The following MAGED2 variants were observed in gnomAD, a reference collection of about 807,000 sequenced individuals.
MAGED2 encodes MAGE family member D2, also known as melanoma-associated antigen D2.
MAGED2 carries 6 observed loss-of-function variants against 41.7 expected under a neutral mutation model. That is an observed-to-expected ratio of 0.14 (90% CI 0.08 to 0.28). The LOEUF is 0.28. MAGED2 is among the 10% of genes least tolerant of loss of function. The probability of loss-of-function intolerance (pLI) is 1.00; values close to 1 mark genes in which losing one functional copy is unlikely to be tolerated. For missense variants in MAGED2, 343 were observed against 486.4 expected, an observed-to-expected ratio of 0.71 and a Z score of 2.77; for synonymous variants, 146 against 178.2, an observed-to-expected ratio of 0.82 and a Z score of 1.44.
At position 54,815,512 on chromosome X, in the gene MAGED2, GCCAGTA is replaced by G. The variant is rs1369822282; in HGVS notation, c.1661_1666del (p.Ser554_Thr555del). The G allele has an allele frequency of 2.2e-5, 26 of 1,190,514 alleles. No individual in the cohort carries two copies. Among genetic ancestry groups the G allele is most frequent in the Non-Finnish European group, 2.7e-5 (24 of 883,002 alleles). On this transcript the variant is annotated inframe_deletion, in exon 12 of 13. Transcript: ENST00000375068. ...AGAGAGTGGCAGTGCCAGCACTGGT[GCCAGTA>G]CCAGTACCAATAACAGTGCCAGTGC...
rs72344647 is a variant in MAGED2, at chrX:54,812,661, GACTCAC to G, written c.1086-282_1086-277del. Among the ~76,000 whole-genome samples, 2,631 of 112,167 alleles carry G rather than the reference GACTCAC, an allele frequency of 0.023. 52 individuals carry two copies. The highest frequency in any genetic ancestry group is 0.081 in the African/African-American group (2,495 of 30,798). On this transcript the variant is annotated intron_variant, in intron 7 of 12. Coordinates refer to ENST00000375068, the MANE Select transcript of MAGED2 (RefSeq NM_177433.3). ...TGAAGGTTCTGGGACAGAAAGAAGG[GACTCAC>G]ATTGACTGAGTGCTTGTGTTGTACC...
chrX:54,814,623 G>C, intron 10 of MAGED2, 38 bp from the exon 11 acceptor site: 1 of 913,528 alleles, frequency 1.1e-6, no homozygotes, highest in Admixed American at 2.2e-5. Flanking sequence ...GGCCATGAAT[G>C]GTCTTAGAAA....
In MAGED2 at chrX:54,815,567, T is replaced by A. The variant is rs1929943158; in HGVS notation, c.1706T>A (p.Phe569Tyr). 1 of 1,169,341 alleles carries A rather than the reference T, an allele frequency of 8.6e-7. No homozygotes were observed. The highest frequency in any genetic ancestry group is 1.1e-6 in the Non-Finnish European group (1 of 872,730). The change falls in exon 12 of 13, where the codon TTC (phenylalanine) becomes TAC (tyrosine). Residue 569 changes from phenylalanine to tyrosine, a missense_variant. By Grantham distance (22) the Phe-to-Tyr change is conservative (BLOSUM62 3). This residue lies in a region of MAGED2 where 53 missense variants were observed against 60.4 expected (regional missense o/e 0.88). Coordinates refer to ENST00000375068, the MANE Select transcript of MAGED2 (RefSeq NM_177433.3). ...ASASASTSGG[F>Y]SAGASLTATL... ...GCCAGTGCCAGCACCAGTGGTGGCT[T>A]CAGTGCTGGTGCCAGCCTGACCGCC...
At chrX:54,815,796 C>A in intron 12 of MAGED2, 85 bp from the exon 13 acceptor site, 2 of 510,319 alleles carry the variant, frequency 3.9e-6, no homozygotes, top group Non-Finnish European at 6.3e-6. Flanking sequence ...GGAGAGTGTG[C>A]CAAGACACTG....
Position 54,809,806 on chromosome X carries a change from A to G in MAGED2, c.130A>G (p.Lys44Glu), listed in dbSNP as rs11555928. ...TQNVEVPETPKASKALEVSED... is the reference protein window; with the variant it reads ...TQNVEVPETPEASKALEVSED... ...GAATGTGGAGGTCCCAGAGACACCG[A>G]AGGCCTCAAAGGCACTGGAGGTCTC... The change falls in exon 3 of 13, where the codon AAG (lysine) becomes GAG (glutamate). Residue 44 changes from lysine (K) to glutamate (E), a missense_variant. Physicochemically the swap from Lys to Glu is moderately conservative, Grantham distance 56. Coordinates refer to ENST00000375068, the MANE Select transcript of MAGED2 (RefSeq NM_177433.3). 5,467 of 1,200,730 alleles carry G rather than the reference A, an allele frequency of 4.6e-3. 11 individuals are homozygous for G. The highest frequency in any genetic ancestry group is 5.7e-3 in the Non-Finnish European group (5,036 of 890,481).
intron 1 of MAGED2, 52 bp from the exon 2 acceptor site, chrX:54,809,251 G>A: frequency 9.9e-7 from 1 of 1,010,548 alleles, no homozygotes; most frequent in South Asian, 1.9e-5. Context: ...GGCACAACAG[G>A]GGAGAGGACG....
intron 1 of MAGED2, 28 bp from the exon 2 acceptor site, chrX:54,809,275 A>G: frequency 3.4e-6 from 4 of 1,171,867 alleles, no homozygotes; most frequent in African/African-American, 1.8e-5. Context: ...AGTGGGCTTC[A>G]ACTTGACCCA....
At position 54,809,836 on chromosome X, in the gene MAGED2, G is replaced by T; in HGVS notation, c.160G>T (p.Asp54Tyr). 1.7e-6 allele frequency: 2 copies of T among 1,199,794 alleles called. No homozygotes were observed. The highest frequency in any genetic ancestry group is 2.2e-6 in the Non-Finnish European group (2 of 889,123). ...CTCAAAGGCACTGGAGGTCTCAGAG[G>T]ATGTGAAGGTCTCAAAAGCCTCTGG... ...KASKALEVSE[D>Y]VKVSKASGVS... The change falls in exon 3 of 13, where the codon GAT becomes TAT. Residue 54 changes from aspartate to tyrosine, a missense_variant. Physicochemically the swap from Asp to Tyr is radical, Grantham distance 160. This residue lies in a region of MAGED2 where 195 missense variants were observed against 221.2 expected (regional missense o/e 0.88). Coordinates refer to ENST00000375068, the MANE Select transcript of MAGED2 (RefSeq NM_177433.3).
intron 12 of MAGED2, 69 bp from the exon 13 acceptor site, chrX:54,815,794 TGCCAAGACACTGCTTTTG>T: frequency 5.7e-6 from 3 of 525,116 alleles, no homozygotes; most frequent in Non-Finnish European, 9.1e-6. Context: ...GTGGAGAGTG[TGCCAAGACACTGCTTTTG>T]GCATTTTATT....
rs1251888311 is a variant in MAGED2 at position 54,809,193 on chromosome X, G to A, written c.-29-110G>A. On this transcript the variant is annotated intron_variant, in intron 1 of 12. Transcript: ENST00000375068. Reference sequence around the variant, plus strand: ...TGAGAACGGAGTCGTTGGGGGTGGTGGAGGGGGTTGGAATTGGGGACCTAC... The same window carrying A: ...TGAGAACGGAGTCGTTGGGGGTGGTAGAGGGGGTTGGAATTGGGGACCTAC... 4 of 532,429 alleles carry A rather than the reference G, an allele frequency of 7.5e-6. No homozygotes were observed. The Admixed American group carries it at 1.1e-4, about 14-fold the overall frequency. The allele number at this position is 532,429 out of a possible 1,213,427, so 43.9% of individuals were successfully genotyped here.
rs1216531939 is a variant in MAGED2 at position 54,810,136 on chromosome X, G to C, written c.460G>C (p.Glu154Gln). 8.4e-7 allele frequency: 1 copy of C among 1,196,246 alleles called. No individual in the cohort carries two copies. The highest frequency in any genetic ancestry group is 2.3e-5 in the Admixed American group (1 of 44,219). The change falls in exon 3 of 13, where the codon GAG becomes CAG. Residue 154 changes from glutamate (E) to glutamine (Q), a missense_variant. Around this residue, in one of 3 missense-constraint regions of MAGED2, gnomAD observed 195 missense variants for 221.2 expected, o/e 0.88. Coordinates refer to ENST00000375068, the MANE Select transcript of MAGED2 (RefSeq NM_177433.3). Reference protein sequence around the residue: ...APSQAPADEPEPESAAAQSQE... With the variant: ...APSQAPADEPQPESAAAQSQE... ...CTCTCAGGCCCCAGCAGATGAACCT[G>C]AGCCTGAGAGTGCAGCTGCCCAGTC...
At chrX:54,812,823 G>T (rs1419375831) in intron 7 of MAGED2, 122 bp from the exon 8 acceptor site, 7 of 536,826 alleles carry the variant, frequency 1.3e-5, no homozygotes, top group Non-Finnish European at 2.2e-5. Context: ...AGAGCTGGAA[G>T]CAGAGACTGG....
Position 54,809,751 on chromosome X carries a change from G to A in MAGED2, c.75G>A (p.Ser25=). The A allele has an allele frequency of 1.7e-6, 2 of 1,204,521 alleles. No homozygotes were observed. Among genetic ancestry groups the A allele is most frequent in the Non-Finnish European group, 1.1e-6 (1 of 891,955 alleles). Residue 25 remains serine, a synonymous_variant, in exon 3 of 13, where the codon TCG becomes TCA. Coordinates refer to ENST00000375068, the MANE Select transcript of MAGED2 (RefSeq NM_177433.3). ...AAGCTTCAGAAAAGGACAGTAGCTC[G>A]ATGATGCAGACTCTGTTGACAGTGA... ...QAEASEKDSS[S]MMQTLLTVTQ...
At chrX:54,812,797 T>G (rs776972747) in intron 7 of MAGED2, 148 bp from the exon 8 acceptor site, 3 of 474,704 alleles carry the variant, frequency 6.3e-6, no homozygotes, top group Non-Finnish European at 1.1e-5. Context: ...TCTAAGTGCC[T>G]TGCCAAGGGT....
rs769939906 is a variant in MAGED2 at position 54,815,629 on chromosome X, G to GCTGGTGCCAGCACCAGTGGCAGCT, written c.1777_1800dup (p.Ser593_Ala600dup). On this transcript the variant is annotated inframe_insertion, in exon 12 of 13. Transcript: ENST00000375068. ...TGGGCTCTTCGCTGGCCTTGGTGGAGCTGGTGCCAGCACCAGTGGCAGCTC... is the reference window on the plus strand; with the variant it reads ...TGGGCTCTTCGCTGGCCTTGGTGGAGCTGGTGCCAGCACCAGTGGCAGCTCTGGTGCCAGCACCAGTGGCAGCTC... 7.7e-6 allele frequency: 9 copies of GCTGGTGCCAGCACCAGTGGCAGCT among 1,165,781 alleles called. No individual in the cohort carries two copies. The African/African-American group carries it at 8.9e-5, about 12-fold the overall frequency.
chrX:54,809,452 C>T (rs1929728513), intron 2 of MAGED2, 76 bp downstream of exon 2: 4 of 997,651 alleles, frequency 4.0e-6, no homozygotes, highest in African/African-American at 1.9e-5. Flanking sequence ...TCCCTTGGCT[C>T]TTCCCCTCCC....
intron 10 of MAGED2, among the ~76,000 whole-genome samples, chrX:54,814,196 G>A (rs760041136): frequency 1.8e-5 from 2 of 112,715 alleles, no homozygotes; most frequent in African/African-American, 6.5e-5. Flanking sequence ...TGGAGGACAT[G>A]CAAACACTCA....
chrX:54,813,573 C>T (rs1328655211), intron 10 of MAGED2, 23 bp downstream of exon 10: 1 of 1,166,053 alleles, frequency 8.6e-7, no homozygotes, highest in Non-Finnish European at 1.2e-6. Context: ...GTCTGGTGTT[C>T]ATGTGTCCCA....
intron 3 of MAGED2, among the ~76,000 whole-genome samples, chrX:54,810,539 C>T (rs906798384): frequency 1.8e-4 from 20 of 111,669 alleles, no homozygotes; most frequent in Non-Finnish European, 3.6e-4. Flanking sequence ...AGAGGTGAAG[C>T]GGCTTGTCTA....
Sources: gnomAD v4.1 joint callset for allele counts (sites outside exome capture counted in the v4.1 genomes callset) on GRCh38, gnomAD v4.1.1 for gene constraint, gnomAD v4.1.1 regional missense constraint, MANE v1.5 for transcripts, NCBI Gene and HGNC (gene_info 2026-07-23, HGNC 2026-07-21) for gene names.